Variants in EXT2 observed in about 807,000 individuals in gnomAD.
EXT2 encodes the protein exostosin-2.
A neutral mutation model predicts 81.6 loss-of-function variants in EXT2; 53 were observed. The ratio of observed to expected loss-of-function variants is 0.65; its 90% CI spans 0.52 to 0.82. The LOEUF (loss-of-function observed/expected upper bound fraction) is 0.82, where lower values mean the gene tolerates loss of function less well. Among genes scored for constraint, EXT2 ranks in the 40% least tolerant of loss-of-function variants. The probability of loss-of-function intolerance (pLI) is 0.00; values close to 1 mark genes in which losing one functional copy is unlikely to be tolerated. For synonymous variants in EXT2, 320 were observed against 340.0 expected, an observed-to-expected ratio of 0.94 and a Z score of 0.65; for missense variants, 774 against 910.2, an observed-to-expected ratio of 0.85 and a Z score of 1.93.
chr11:44,170,003 A>G (rs1405533511), intron 7 of EXT2, among the ~76,000 whole-genome samples: 3 of 152,184 alleles, frequency 2.0e-5, no homozygotes, highest in Non-Finnish European at 4.4e-5. Context: ...ACAAAAACCA[A>G]TAAGGATATA....
intron 7 of EXT2, among the ~76,000 whole-genome samples, chr11:44,167,327 T>G (rs1955008586): frequency 6.6e-6 from 1 of 152,108 alleles, no homozygotes. Context: ...AAGCAGCAGT[T>G]GGGAATGTAG....
intron 4 of EXT2, among the ~76,000 whole-genome samples, chr11:44,121,906 C>A (rs558805130): frequency 6.6e-6 from 1 of 152,228 alleles, no homozygotes; most frequent in South Asian, 2.1e-4. Flanking sequence ...GGCTACCTTA[C>A]TACTCTTCTC....
chr11:44,204,362 C>T (rs1188744011), intron 9 of EXT2, among the ~76,000 whole-genome samples: 2 of 152,050 alleles, frequency 1.3e-5, no homozygotes, highest in Non-Finnish European at 2.9e-5. Flanking sequence ...ATTTTTAATA[C>T]AGTAAATAGA....
chr11:44,214,304 C>T (rs1156938435), intron 10 of EXT2, among the ~76,000 whole-genome samples: 1 of 152,002 alleles, frequency 6.6e-6, no homozygotes, highest in African/African-American at 2.4e-5. Flanking sequence ...TTAGTAGAGA[C>T]GGGGTTTAAC....
rs919588478 is a variant in EXT2, at chr11:44,197,875, C to T, written c.1352C>T (p.Pro451Leu). The T allele has an allele frequency of 6.2e-7, 1 of 1,614,086 alleles. No homozygotes were observed. Residue 451 changes from proline to leucine, a missense_variant, in exon 9 of 14, where the codon CCA (proline) becomes CTA (leucine). Pro to Leu is a moderately conservative substitution (Grantham distance 98). Transcript: ENST00000533608. Reference sequence around the variant, plus strand: ...CCACTCTTCCTCCCGCTGATCCCACCACAGTCTCAAGGGTTCACCGCCATA... The same window carrying T: ...CCACTCTTCCTCCCGCTGATCCCACTACAGTCTCAAGGGTTCACCGCCATA... ...SNPLFLPLIPPQSQGFTAIVL... is the reference protein window; with the variant it reads ...SNPLFLPLIPLQSQGFTAIVL...
rs2134985742 is a variant in EXT2 at position 44,114,314 on chromosome 11, C to G, written c.743+13C>G. On this transcript the variant is annotated intron_variant, in intron 4 of 13. Transcript: ENST00000533608. ...AGAAAGGACCAGGGTAAGGTACATT[C>G]ATCCCAGCCAGGTGTGCCTTTACTG... The G allele has an allele frequency of 6.2e-7, 1 of 1,605,238 alleles. No individual in the cohort carries two copies. Among genetic ancestry groups the G allele is most frequent in the Non-Finnish European group, 8.5e-7 (1 of 1,171,910 alleles).
intron 8 of EXT2, among the ~76,000 whole-genome samples, chr11:44,178,448 G>A (rs1955188995): frequency 6.6e-6 from 1 of 152,130 alleles, no homozygotes; most frequent in African/African-American, 2.4e-5. Flanking sequence ...TCCAGAGGCT[G>A]GGTTCAGACT....
chr11:44,245,577 A>G lies in EXT2; in HGVS notation c.*1290A>G, dbSNP rs560707174. 1 of 174,136 alleles carries G rather than the reference A, an allele frequency of 5.7e-6. No individual in the cohort carries two copies. Among genetic ancestry groups the G allele is most frequent in the African/African-American group, 2.4e-5 (1 of 42,116 alleles). 10.8% of individuals were successfully genotyped at this position (174,136 alleles called of 1,614,324 possible). ...GCTTTAGCCACAACATATGTCCCCA[A>G]AACACAAAATACATAACAATTTGCT... is the stretch of plus-strand genomic sequence containing the variant. On this transcript the variant is annotated 3_prime_UTR_variant, in exon 14 of 14. Transcript: ENST00000533608.
intron 1 of EXT2, chr11:44,104,829 G>C (rs910054100): frequency 1.3e-5 from 2 of 152,196 alleles, no homozygotes; most frequent in Admixed American, 1.3e-4. Flanking sequence ...GGAATATTCT[G>C]CTTACTGTTA....
rs761558322 is a variant in EXT2 at position 44,108,172 on chromosome 11, G to C, written c.460G>C (p.Val154Leu). The C allele has an allele frequency of 3.7e-6, 6 of 1,613,980 alleles. No homozygotes were observed. The highest frequency in any genetic ancestry group is 4.2e-6 in the Non-Finnish European group (5 of 1,180,028). Reference sequence around the variant, plus strand: ...TGACATCAACCGGGCCTGTCTGTTTGTTCCCTCCATCGATGTGCTTAACCA... The same window carrying C: ...TGACATCAACCGGGCCTGTCTGTTTCTTCCCTCCATCGATGTGCTTAACCA... ...TDDINRACLF[V>L]PSIDVLNQNT... Residue 154 changes from valine (V) to leucine (L), a missense_variant, in exon 2 of 14, where the codon GTT becomes CTT. Val to Leu is a conservative substitution (Grantham distance 32, BLOSUM62 1). Around this residue, in one of 2 missense-constraint regions of EXT2, gnomAD observed 626 missense variants for 670.5 expected, o/e 0.93. Transcript: ENST00000533608.
chr11:44,096,135 C>A (rs988199397), intron 1 of EXT2: 2 of 963,822 alleles, frequency 2.1e-6, no homozygotes, highest in Non-Finnish European at 3.2e-6. Context: ...AGCCAACCTT[C>A]GCCCCCAGTC....
intron 7 of EXT2, among the ~76,000 whole-genome samples, chr11:44,171,128 G>A (rs1955066872): frequency 6.6e-6 from 1 of 152,150 alleles, no homozygotes; most frequent in African/African-American, 2.4e-5. Flanking sequence ...CACCACAATT[G>A]TAATCAGCAT....
chr11:44,185,005 C>T (rs1955291105), intron 8 of EXT2, among the ~76,000 whole-genome samples: 1 of 152,152 alleles, frequency 6.6e-6, no homozygotes, highest in Non-Finnish European at 1.5e-5. Context: ...CAGGAGGATT[C>T]CCCCTCACCC....
intron 4 of EXT2, among the ~76,000 whole-genome samples, chr11:44,119,169 T>TACAC (rs1555004305): frequency 0.013 from 810 of 62,440 alleles, 14 homozygotes; most frequent in East Asian, 0.078. Flanking sequence ...TATATATATA[T>TACAC]ACACATACAC....
At chr11:44,198,655 T>C (rs1303594245) in intron 9 of EXT2, among the ~76,000 whole-genome samples, 1 of 152,236 alleles carries the variant, frequency 6.6e-6, no homozygotes, top group Non-Finnish European at 1.5e-5. Context: ...AGTCTGTGTA[T>C]TACTGATCCT....
rs77233576 is a variant in EXT2, at chr11:44,109,115, A to C, written c.537-79A>C. 68,165 of 1,495,538 alleles carry C rather than the reference A, an allele frequency of 0.046. 1,951 individuals are homozygous for C. The highest frequency in any genetic ancestry group is 0.12 in the East Asian group (5,263 of 44,088). The allele number at this position is 1,495,538 out of a possible 1,614,324, so 92.6% of individuals were successfully genotyped here. On this transcript the variant is annotated intron_variant, in intron 2 of 13. Transcript: ENST00000533608. ...CCCTATTTGGGCTTGGGGATCCTTG[A>C]TAGTTGTTGTCTAGTAACTGACTCT... is the stretch of plus-strand genomic sequence containing the variant.
At chr11:44,096,394 G>A in intron 1 of EXT2, 1 of 1,431,612 alleles carries the variant, frequency 7.0e-7, no homozygotes, top group Non-Finnish European at 9.4e-7. Flanking sequence ...GGGACTGGGT[G>A]ACCGGGAACT....
chr11:44,224,906 A>G (rs1459681299), intron 10 of EXT2, among the ~76,000 whole-genome samples: 4 of 152,192 alleles, frequency 2.6e-5, no homozygotes, highest in African/African-American at 9.7e-5. Context: ...ATAGTTGTTT[A>G]TAAGAAACTG....
rs78410891 is a variant in EXT2, at chr11:44,162,881, G to A, written c.1174-8730G>A. On this transcript the variant is annotated intron_variant, in intron 7 of 13. Coordinates refer to ENST00000533608, the MANE Select transcript of EXT2 (RefSeq NM_207122.2). ...ATGAATAAGGAAGTGAAAAAAAGCC[G>A]TCTCATGTTTTATGCGGCAAGGTGT... is the stretch of plus-strand genomic sequence containing the variant. 2.6e-3 allele frequency among the ~76,000 whole-genome samples: 393 copies of A among 152,262 alleles called. 1 individual carries two copies. Among genetic ancestry groups the A allele is most frequent in the Non-Finnish European group, 4.7e-3 (317 of 68,014 alleles).
Sources: allele counts gnomAD v4.1 joint callset (sites outside exome capture counted in the v4.1 genomes callset), GRCh38; gene constraint gnomAD v4.1.1; regional missense constraint gnomAD v4.1.1; transcripts MANE v1.5; gene names NCBI Gene and HGNC (gene_info 2026-07-23, HGNC 2026-07-21).